ACSM1: variants seen among roughly 807,000 people sequenced by gnomAD.
ACSM1 encodes the protein acyl-CoA synthetase medium chain family member 1, also known as acyl-coenzyme A synthetase ACSM1, mitochondrial.
A neutral mutation model predicts 75.8 loss-of-function variants in ACSM1; 79 were observed. The ratio of observed to expected loss-of-function variants is 1.04; its 90% CI spans 0.87 to 1.26. ACSM1 has a LOEUF of 1.26. Ranked by LOEUF, ACSM1 falls within the 50% of genes most tolerant of loss-of-function variation. The pLI is 0.00. For synonymous variants in ACSM1, 279 were observed against 265.8 expected (o/e 1.05, Z -0.48); for missense variants, 676 against 720.1 (o/e 0.94, Z 0.70).
chr16:20,663,335 C>T (rs28648969), intron 6 of ACSM1, among the ~76,000 whole-genome samples: 18,697 of 152,220 alleles, frequency 0.12, 1,627 homozygotes, highest in East Asian at 0.49. Context: ...TTTACCCCCA[C>T]ATCCGCATGT....
intron 7 of ACSM1, among the ~76,000 whole-genome samples, chr16:20,644,587 T>C (rs753450510): frequency 1.4e-4 from 21 of 150,840 alleles, no homozygotes; most frequent in Non-Finnish European, 2.5e-4. Flanking sequence ...ACATAATGGG[T>C]ATTCAGTAAT....
At chr16:20,641,117 G>T (rs1327876381) in intron 7 of ACSM1, among the ~76,000 whole-genome samples, 1 of 152,210 alleles carries the variant, frequency 6.6e-6, no homozygotes, top group African/African-American at 2.4e-5. Context: ...GGGAAAGAGA[G>T]AGGGAGAAGC....
chr16:20,690,915 A>G (rs1272412374), intron 2 of ACSM1, 82 bp downstream of exon 2: 28 of 1,409,896 alleles, frequency 2.0e-5, no homozygotes, highest in Non-Finnish European at 2.6e-5. Context: ...CTTTGGTTCC[A>G]TACCTTTCAG....
intron 9 of ACSM1, 73 bp downstream of exon 9, chr16:20,637,298 T>TGTCACCTGGTGTC (rs2017778288): frequency 5.9e-6 from 7 of 1,189,100 alleles, no homozygotes; most frequent in Non-Finnish European, 8.8e-6. Context: ...CGGCTGGTGT[T>TGTCACCTGGTGTC]GTCACCTGGT....
At chr16:20,638,175 A>C (rs768200714) in intron 8 of ACSM1, among the ~76,000 whole-genome samples, 16 of 152,226 alleles carry the variant, frequency 1.1e-4, no homozygotes, top group Non-Finnish European at 1.9e-4. Context: ...ACCACACACT[A>C]AATGCATGCC....
intron 4 of ACSM1, chr16:20,681,316 T>C (rs529942668): frequency 1.3e-5 from 2 of 152,346 alleles, no homozygotes; most frequent in African/African-American, 4.8e-5. Context: ...GAAAATTTAA[T>C]TTAACCAACT....
In ACSM1 at chr16:20,623,464, TG is replaced by T; in HGVS notation, c.*21del. 1 of 1,611,816 alleles carries T rather than the reference TG, an allele frequency of 6.2e-7. No homozygotes were observed. The highest frequency in any genetic ancestry group is 8.5e-7 in the Non-Finnish European group (1 of 1,177,986). ...CCAGGGATTTGCCTTAGGTGTGCAG[TG>T]CGTTCTGAGTTCACTGCCGATTACA... On this transcript the variant is annotated 3_prime_UTR_variant, in exon 14 of 14. Transcript: ENST00000520010.
chr16:20,695,755 CTA>C (rs555698362), intron 1 of ACSM1, among the ~76,000 whole-genome samples: 8 of 152,214 alleles, frequency 5.3e-5, no homozygotes, highest in Admixed American at 4.6e-4. Flanking sequence ...AATCAGATAT[CTA>C]TATGTCTATG....
chr16:20,646,194 G>C (rs115079553), intron 7 of ACSM1, among the ~76,000 whole-genome samples: 2,239 of 152,254 alleles, frequency 0.015, 54 homozygotes, highest in African/African-American at 0.05. Flanking sequence ...AAAGGAAAAG[G>C]CTGGGCAAAT....
At chr16:20,691,758 T>C (rs770795012) in intron 1 of ACSM1, among the ~76,000 whole-genome samples, 8,141 of 38,428 alleles carry the variant, frequency 0.21, 329 homozygotes, top group Non-Finnish European at 0.33. Flanking sequence ...CCAATGTGTG[T>C]GTGTGTGTGT....
At chr16:20,669,429 A>T (rs993783613) in intron 6 of ACSM1, among the ~76,000 whole-genome samples, 2 of 143,986 alleles carry the variant, frequency 1.4e-5, no homozygotes, top group Non-Finnish European at 3.0e-5. Context: ...ATTTTATCAT[A>T]TTGAGTAAGA....
chr16:20,681,683 T>C (rs1328686303), intron 4 of ACSM1: 4 of 154,020 alleles, frequency 2.6e-5, no homozygotes, highest in African/African-American at 9.7e-5. Context: ...TGGTGCTTTC[T>C]ATTAACACCT....
Position 20,696,997 on chromosome 16 carries a change from C to G in ACSM1, c.-52+639G>C, listed in dbSNP as rs887644407. ...TAGTGTGATAATTTACTTGCTGGCA[C>G]TGAATGAAGTGCACGGTAAGGACTC... On this transcript the variant is annotated intron_variant, in intron 1 of 13. Transcript: ENST00000520010. Among the ~76,000 whole-genome samples the G allele has an allele frequency of 2.0e-5, 3 of 152,180 alleles. No individual in the cohort carries two copies. In the South Asian group the frequency reaches 6.2e-4, roughly 32 times the overall value.
At chr16:20,669,483 C>CACAG (rs2019767882) in intron 6 of ACSM1, among the ~76,000 whole-genome samples, 2 of 149,560 alleles carry the variant, frequency 1.3e-5, no homozygotes, top group African/African-American at 5.0e-5. Context: ...CACACACACA[C>CACAG]CCCAGCTGCT....
intron 4 of ACSM1, chr16:20,676,244 C>T (rs9937963): frequency 0.092 from 13,931 of 152,246 alleles, 722 homozygotes; most frequent in East Asian, 0.2. Flanking sequence ...GACAAGAGGA[C>T]ACCCACTAGG....
chr16:20,695,680 C>CATCTATCT (rs35535609), intron 1 of ACSM1, among the ~76,000 whole-genome samples: 288 of 151,014 alleles, frequency 1.9e-3, no homozygotes, highest in African/African-American at 5.1e-3. Flanking sequence ...ATCTATCTAT[C>CATCTATCT]ATCTATCTAT....
At chr16:20,652,683 C>A (rs1054990713) in intron 7 of ACSM1, among the ~76,000 whole-genome samples, 5 of 152,214 alleles carry the variant, frequency 3.3e-5, no homozygotes, top group African/African-American at 9.6e-5. Flanking sequence ...GACACAAACA[C>A]CCTCCCAAGA....
intron 6 of ACSM1, among the ~76,000 whole-genome samples, chr16:20,669,486 C>A (rs2019768711): frequency 7.0e-6 from 1 of 142,948 alleles, no homozygotes; most frequent in African/African-American, 2.9e-5. Context: ...ACACACACCC[C>A]AGCTGCTTGG....
intron 2 of ACSM1, among the ~76,000 whole-genome samples, chr16:20,687,329 T>C (rs2079571570): frequency 6.6e-6 from 1 of 152,074 alleles, no homozygotes; most frequent in Non-Finnish European, 1.5e-5. Flanking sequence ...GAAGAGACTT[T>C]TAGGGAAATT....
Sources: allele counts gnomAD v4.1 joint callset (sites outside exome capture counted in the v4.1 genomes callset), GRCh38; gene constraint gnomAD v4.1.1; transcripts MANE v1.5; gene names NCBI Gene and HGNC (gene_info 2026-07-23, HGNC 2026-07-21).